The following LRRIQ1 variants were observed in gnomAD, a reference collection of about 807,000 sequenced individuals.
LRRIQ1 encodes the protein leucine-rich repeat- and IQ domain-containing protein 1.
A neutral mutation model predicts 211.9 loss-of-function variants in LRRIQ1; 210 were observed. The observed-to-expected ratio is 0.99, with a 90% CI of 0.89 to 1.11. The LOEUF (loss-of-function observed/expected upper bound fraction) is 1.11. Among genes scored for constraint, LRRIQ1 ranks in the 50% most tolerant of loss-of-function variants. LRRIQ1 has a pLI of 0.00. For synonymous variants in LRRIQ1, 699 were observed against 650.1 expected, an observed-to-expected ratio of 1.08 and a Z score of -1.14; for missense variants, 2,136 against 1,939.5, an observed-to-expected ratio of 1.10 and a Z score of -1.90.
Position 85,176,113 on chromosome 12 carries a change from C to T in LRRIQ1, c.4822+15399C>T, listed in dbSNP as rs567926427. 1.5e-4 allele frequency among the ~76,000 whole-genome samples: 23 copies of T among 152,204 alleles called. 1 individual carries two copies. The East Asian group carries it at 3.3e-3, about 22-fold the overall frequency. Reference sequence around the variant, plus strand: ...ACCTTGGGCAGTATGGCCATTTTCACGATACTGATTCTTCCTACCCATGAG... The same window carrying T: ...ACCTTGGGCAGTATGGCCATTTTCATGATACTGATTCTTCCTACCCATGAG... On this transcript the variant is annotated intron_variant, in intron 24 of 26. Coordinates refer to ENST00000393217, the MANE Select transcript of LRRIQ1 (RefSeq NM_001079910.2).
chr12:85,045,254 G>C (rs904716862), intron 4 of LRRIQ1, among the ~76,000 whole-genome samples: 1 of 151,742 alleles, frequency 6.6e-6, no homozygotes, highest in Non-Finnish European at 1.5e-5. Context: ...TAAAAAATAA[G>C]AAGAGCCTTA....
At chr12:85,222,554 A>G (rs951315065) in intron 24 of LRRIQ1, among the ~76,000 whole-genome samples, 1 of 152,200 alleles carries the variant, frequency 6.6e-6, no homozygotes, top group East Asian at 1.9e-4. Flanking sequence ...TGATGTGCAC[A>G]GTTCCAGTGA....
chr12:85,149,222 G>T (rs1890085027), intron 19 of LRRIQ1, among the ~76,000 whole-genome samples: 1 of 151,980 alleles, frequency 6.6e-6, no homozygotes, highest in Non-Finnish European at 1.5e-5. Context: ...TGAAGTCTTT[G>T]CCTATGCCTG....
chr12:85,209,550 G>T (rs769810193), intron 24 of LRRIQ1, among the ~76,000 whole-genome samples: 1 of 152,138 alleles, frequency 6.6e-6, no homozygotes, highest in African/African-American at 2.4e-5. Flanking sequence ...TTAAAAAAAT[G>T]CATTTTTATT....
At chr12:85,095,022 A>G (rs1227201370) in intron 11 of LRRIQ1, among the ~76,000 whole-genome samples, 1 of 152,152 alleles carries the variant, frequency 6.6e-6, no homozygotes, top group Non-Finnish European at 1.5e-5. Flanking sequence ...CTCTGGGCAG[A>G]GTCTTTAGGA....
intron 18 of LRRIQ1, among the ~76,000 whole-genome samples, chr12:85,136,356 T>G (rs1889133265): frequency 6.6e-6 from 1 of 151,956 alleles, no homozygotes; most frequent in Admixed American, 6.6e-5. Context: ...AGGGAACGCT[T>G]CAGGTATGCT....
Position 85,137,911 on chromosome 12 carries a change from A to C in LRRIQ1, c.4271A>C (p.Asn1424Thr). ...ACAACAGCTCTAGAGGCTATTAAGA[A>C]TGAAGAATCCGATGAAGAATACAGA... ...KLTTALEAIKNEESDEEYREI... is the reference protein window; with the variant it reads ...KLTTALEAIKTEESDEEYREI... The change falls in exon 19 of 27, where the codon AAT becomes ACT. Residue 1424 changes from asparagine to threonine, a missense_variant. Coordinates refer to ENST00000393217, the MANE Select transcript of LRRIQ1 (RefSeq NM_001079910.2). The C allele has an allele frequency of 6.4e-7, 1 of 1,569,478 alleles. No individual in the cohort carries two copies. Among genetic ancestry groups the C allele is most frequent in the East Asian group, 2.2e-5 (1 of 44,472 alleles).
At chr12:85,176,501 C>T (rs1184282566) in intron 24 of LRRIQ1, among the ~76,000 whole-genome samples, 2 of 145,622 alleles carry the variant, frequency 1.4e-5, no homozygotes, top group African/African-American at 5.1e-5. Context: ...AACAAAAAAC[C>T]AAACACCACA....
At chr12:85,116,396 G>A (rs1345480018) in intron 15 of LRRIQ1, among the ~76,000 whole-genome samples, 2 of 151,954 alleles carry the variant, frequency 1.3e-5, no homozygotes, top group Non-Finnish European at 2.9e-5. Flanking sequence ...CGCCCGCCTC[G>A]GCCTCCCAAA....
chr12:85,084,410 T>C, intron 11 of LRRIQ1, among the ~76,000 whole-genome samples: 1 of 152,162 alleles, frequency 6.6e-6, no homozygotes, highest in South Asian at 2.1e-4. Flanking sequence ...TATAAGTAAA[T>C]GTAGTTAGGG....
At chr12:85,269,958 C>T in the LRRIQ1 span, among the ~76,000 whole-genome samples, 1 of 151,986 alleles carries the variant, frequency 6.6e-6, no homozygotes, top group African/African-American at 2.4e-5. Context: ...AGAAAGCCGT[C>T]TTCTTACTAT....
At chr12:85,207,243 G>A (rs1357522302) in intron 24 of LRRIQ1, among the ~76,000 whole-genome samples, 1 of 151,890 alleles carries the variant, frequency 6.6e-6, no homozygotes. Flanking sequence ...CAGCATCTGT[G>A]TCCTCCCTCC....
chr12:85,222,696 T>C (rs1894457049), intron 24 of LRRIQ1, among the ~76,000 whole-genome samples: 1 of 151,996 alleles, frequency 6.6e-6, no homozygotes, highest in Non-Finnish European at 1.5e-5. Flanking sequence ...AAAAAGTCAG[T>C]TTTAAGAATG....
At chr12:85,148,506 T>C (rs1890035313) in intron 19 of LRRIQ1, among the ~76,000 whole-genome samples, 1 of 152,036 alleles carries the variant, frequency 6.6e-6, no homozygotes, top group Non-Finnish European at 1.5e-5. Flanking sequence ...TTGTGCAGTA[T>C]TCCGTGGTGT....
chr12:85,051,578 T>A (rs1296539908), intron 6 of LRRIQ1, among the ~76,000 whole-genome samples: 1 of 152,226 alleles, frequency 6.6e-6, no homozygotes, highest in Non-Finnish European at 1.5e-5. Context: ...CCTTTCATGA[T>A]CTAATTATCA....
At chr12:85,221,499 G>T (rs941270360) in intron 24 of LRRIQ1, among the ~76,000 whole-genome samples, 1 of 152,214 alleles carries the variant, frequency 6.6e-6, no homozygotes, top group Non-Finnish European at 1.5e-5. Context: ...CTATCATGGG[G>T]TATCTATACA....
At chr12:85,139,461 A>G (rs1179948033) in intron 19 of LRRIQ1, among the ~76,000 whole-genome samples, 1 of 151,490 alleles carries the variant, frequency 6.6e-6, no homozygotes, top group Non-Finnish European at 1.5e-5. Context: ...CCCTAACTGC[A>G]AGAGGTAAAT....
intron 11 of LRRIQ1, chr12:85,076,700 G>C (rs1201294446): frequency 1.5e-5 from 3 of 203,358 alleles, no homozygotes; most frequent in Non-Finnish European, 2.6e-5. Flanking sequence ...TATTGTCTTT[G>C]AATCATTGGG....
chr12:85,049,556 A>T (rs1023958478), intron 6 of LRRIQ1, among the ~76,000 whole-genome samples: 1 of 152,134 alleles, frequency 6.6e-6, no homozygotes, highest in Non-Finnish European at 1.5e-5. Flanking sequence ...GTTTATAAGC[A>T]TGTTCAATTT....
Sources: gnomAD v4.1 joint callset for allele counts (sites outside exome capture counted in the v4.1 genomes callset) on GRCh38, gnomAD v4.1.1 for gene constraint, MANE v1.5 for transcripts, NCBI Gene and HGNC (gene_info 2026-07-23, HGNC 2026-07-21) for gene names.